The following CDH13 variants were observed in gnomAD, a reference collection of about 807,000 sequenced individuals.
CDH13 encodes cadherin-13.
A neutral mutation model predicts 63.8 loss-of-function variants in CDH13; 24 were observed. The ratio of observed to expected loss-of-function variants is 0.38; its 90% CI spans 0.27 to 0.53. The LOEUF (loss-of-function observed/expected upper bound fraction) is 0.53, where lower values mean the gene tolerates loss of function less well. CDH13 is among the 20% of genes least tolerant of loss of function. CDH13 has a pLI of 0.85. For synonymous variants in CDH13, 503 were observed against 355.3 expected (o/e 1.42, Z -4.67); for missense variants, 1,049 against 903.1 (o/e 1.16, Z -2.07).
chr16:82,796,030 A>G (rs527852094), intron 1 of CDH13, among the ~76,000 whole-genome samples: 1 of 151,570 alleles, frequency 6.6e-6, no homozygotes, highest in South Asian at 2.1e-4. Context: ...GATACAAACT[A>G]ATGGACCCAA....
intron 3 of CDH13, among the ~76,000 whole-genome samples, chr16:83,071,589 C>G (rs1002673068): frequency 1.3e-5 from 2 of 152,292 alleles, no homozygotes; most frequent in South Asian, 2.1e-4. Flanking sequence ...GAGCTGTGGT[C>G]GCTTCCCCTG....
intron 2 of CDH13, among the ~76,000 whole-genome samples, chr16:82,882,797 C>A (rs1358952162): frequency 6.6e-6 from 1 of 151,826 alleles, no homozygotes. Context: ...TTTTACCAAG[C>A]CATTTGGTTT....
intron 3 of CDH13, among the ~76,000 whole-genome samples, chr16:83,044,598 G>A (rs1038719190): frequency 6.6e-6 from 1 of 152,180 alleles, no homozygotes; most frequent in Non-Finnish European, 1.5e-5. Context: ...TAGAGAAAAC[G>A]TCTTGCGTTT....
intron 8 of CDH13, among the ~76,000 whole-genome samples, chr16:83,668,620 G>A (rs1324153001): frequency 6.6e-6 from 1 of 152,224 alleles, no homozygotes; most frequent in Non-Finnish European, 1.5e-5. Context: ...CTGGACCGCA[G>A]CAAGAGGGTG....
chr16:82,690,104 GT>G (rs1410399324), intron 1 of CDH13, among the ~76,000 whole-genome samples: 1 of 143,760 alleles, frequency 7.0e-6, no homozygotes, highest in East Asian at 2.1e-4. Flanking sequence ...GGAGGCAGAG[GT>G]TGCAGTGAGC....
chr16:82,821,475 A>G (rs1200039917), intron 1 of CDH13, among the ~76,000 whole-genome samples: 2 of 152,168 alleles, frequency 1.3e-5, no homozygotes, highest in Non-Finnish European at 2.9e-5. Flanking sequence ...CTGGCTCTAG[A>G]TGCAAGAGAT....
chr16:83,384,782 G>A (rs753076933), intron 6 of CDH13, among the ~76,000 whole-genome samples: 8 of 152,216 alleles, frequency 5.3e-5, no homozygotes, highest in Admixed American at 1.3e-4. Flanking sequence ...TCAGGCATGC[G>A]CTTGGCTTTT....
At chr16:83,378,371 C>T (rs1186945073) in intron 6 of CDH13, among the ~76,000 whole-genome samples, 1 of 152,136 alleles carries the variant, frequency 6.6e-6, no homozygotes. Context: ...GGAGAGGTGC[C>T]CTGAGAAAAA....
intron 6 of CDH13, among the ~76,000 whole-genome samples, chr16:83,419,523 A>G (rs1394710502): frequency 1.3e-5 from 2 of 152,224 alleles, no homozygotes; most frequent in African/African-American, 4.8e-5. Flanking sequence ...ATGATAGCCA[A>G]CCAAGACATT....
intron 1 of CDH13, among the ~76,000 whole-genome samples, chr16:82,798,444 A>C (rs1254365010): frequency 6.6e-6 from 1 of 152,124 alleles, no homozygotes; most frequent in East Asian, 1.9e-4. Context: ...GGGTTTCTTG[A>C]AATGTGATGG....
chr16:83,571,052 G>A (rs1274255150), intron 7 of CDH13, among the ~76,000 whole-genome samples: 1 of 149,872 alleles, frequency 6.7e-6, no homozygotes, highest in Non-Finnish European at 1.5e-5. Flanking sequence ...TCTCCAGCGT[G>A]AGGGAACCAC....
chr16:82,676,946 C>G (rs993139861), intron 1 of CDH13, among the ~76,000 whole-genome samples: 3 of 152,110 alleles, frequency 2.0e-5, no homozygotes, highest in Non-Finnish European at 4.4e-5. Flanking sequence ...TGCAGTGGCG[C>G]AAGCTCAGCT....
chr16:83,160,329 A>G (rs528770076), intron 4 of CDH13, among the ~76,000 whole-genome samples: 1 of 152,170 alleles, frequency 6.6e-6, no homozygotes, highest in East Asian at 1.9e-4. Flanking sequence ...CAATTTTATT[A>G]TAAACCTGAA....
chr16:82,764,890 C>T (rs1450813689), intron 1 of CDH13, among the ~76,000 whole-genome samples: 1 of 150,894 alleles, frequency 6.6e-6, no homozygotes, highest in Admixed American at 6.6e-5. Flanking sequence ...TCTTGGCTCA[C>T]TGAAACCTCT....
intron 3 of CDH13, among the ~76,000 whole-genome samples, chr16:83,056,256 C>T (rs1368564029): frequency 6.6e-6 from 1 of 152,132 alleles, no homozygotes; most frequent in Non-Finnish European, 1.5e-5. Flanking sequence ...TTCTCACACA[C>T]TGTAAAGCTG....
chr16:82,636,140 C>T (rs1320138803), intron 1 of CDH13, among the ~76,000 whole-genome samples: 1 of 152,070 alleles, frequency 6.6e-6, no homozygotes, highest in Non-Finnish European at 1.5e-5. Context: ...ACTTGACAGG[C>T]TTTGATGGTG....
rs564572209 is a variant in CDH13 at position 83,507,831 on chromosome 16, G to C, written c.960+21176G>C. On this transcript the variant is annotated intron_variant, in intron 7 of 13. Transcript: ENST00000567109. ...AGGCAGATCATGGGCTCAGGAGTTC[G>C]ATGCCAGCCTGGCCAACATAGTAAA... Among the ~76,000 whole-genome samples the C allele has an allele frequency of 2.8e-5, 4 of 141,374 alleles. No individual in the cohort carries two copies. The South Asian group carries it at 1.0e-3, about 37-fold the overall frequency. 92.7% of individuals were successfully genotyped at this position (141,374 alleles called of 152,430 possible).
At chr16:83,656,554 C>T (rs1912888399) in intron 8 of CDH13, among the ~76,000 whole-genome samples, 1 of 152,026 alleles carries the variant, frequency 6.6e-6, no homozygotes, top group Admixed American at 6.6e-5. Flanking sequence ...CTGCCATTGC[C>T]CAAGCTGGGA....
At chr16:83,413,925 C>T (rs1257529978) in intron 6 of CDH13, among the ~76,000 whole-genome samples, 1 of 152,088 alleles carries the variant, frequency 6.6e-6, no homozygotes, top group Non-Finnish European at 1.5e-5. Flanking sequence ...CTGGGAGGTG[C>T]AGGTTGCAGT....
Sources: allele counts gnomAD v4.1 joint callset (sites outside exome capture counted in the v4.1 genomes callset), GRCh38; gene constraint gnomAD v4.1.1; transcripts MANE v1.5; gene names NCBI Gene and HGNC (gene_info 2026-07-23, HGNC 2026-07-21).